SORD: variants seen among roughly 807,000 people sequenced by gnomAD.
The protein encoded by SORD is sorbitol dehydrogenase, also known as (R,R)-butanediol dehydrogenase.
A neutral mutation model predicts 35.6 loss-of-function variants in SORD; 18 were observed. That is an observed-to-expected ratio of 0.51 (90% CI 0.35 to 0.75). SORD has a LOEUF of 0.75. SORD is among the 30% of genes least tolerant of loss of function. The probability of loss-of-function intolerance (pLI) is 0.01; values close to 1 mark genes in which losing one functional copy is unlikely to be tolerated. For missense variants in SORD, 250 were observed against 390.2 expected, an observed-to-expected ratio of 0.64 and a Z score of 3.03; for synonymous variants, 106 against 152.9, an observed-to-expected ratio of 0.69 and a Z score of 2.26.
intron 1 of SORD, among the ~76,000 whole-genome samples, chr15:45,037,103 G>A (rs1363516274): frequency 6.6e-6 from 1 of 152,206 alleles, no homozygotes; most frequent in Non-Finnish European, 1.5e-5. Flanking sequence ...CAGGAGGCAG[G>A]AGACAAGCCT....
At chr15:45,037,663 A>G (rs59179198) in intron 1 of SORD, among the ~76,000 whole-genome samples, 4,797 of 152,286 alleles carry the variant, frequency 0.031, 144 homozygotes, top group South Asian at 0.11. Context: ...GACATGGATG[A>G]AGCTGGAAGC....
At position 45,073,670 on chromosome 15, in the gene SORD, A is replaced by C; in HGVS notation, c.*140A>C. On this transcript the variant is annotated 3_prime_UTR_variant, in exon 9 of 9. Transcript: ENST00000267814. ...CAATTCATTGTGAACAGAAGTCCTT[A>C]AGCAGAGGAATTGGTGTGCCTTAAA... is the stretch of plus-strand genomic sequence containing the variant. 2.2e-6 allele frequency: 3 copies of C among 1,382,864 alleles called. No homozygotes were observed. In the Admixed American group the frequency reaches 8.0e-5, roughly 37 times the overall value. 85.7% of individuals were successfully genotyped at this position (1,382,864 alleles called of 1,614,324 possible). A position where few individuals can be genotyped will look rare whatever the true frequency, so the allele number is the denominator to read the frequency against.
At chr15:45,060,580 G>A (rs1893285907) in intron 3 of SORD, among the ~76,000 whole-genome samples, 1 of 152,164 alleles carries the variant, frequency 6.6e-6, no homozygotes, top group South Asian at 2.1e-4. Context: ...CATAAAACAT[G>A]CTGTAATTAT....
intron 4 of SORD, among the ~76,000 whole-genome samples, chr15:45,064,072 A>G (rs1317385928): frequency 1.3e-4 from 19 of 149,232 alleles, no homozygotes; most frequent in Admixed American, 8.8e-4. Context: ...GGATGAGCAC[A>G]TGGTTTGGCT....
intron 1 of SORD, among the ~76,000 whole-genome samples, chr15:45,026,379 ATTT>A (rs1047363891): frequency 2.0e-5 from 3 of 152,210 alleles, no homozygotes; most frequent in Non-Finnish European, 2.9e-5. Context: ...CAGCAAATGC[ATTT>A]TGGGGGGAAA....
intron 1 of SORD, among the ~76,000 whole-genome samples, chr15:45,039,000 A>C (rs959113663): frequency 6.6e-6 from 1 of 152,228 alleles, no homozygotes; most frequent in Non-Finnish European, 1.5e-5. Flanking sequence ...CTCTGGTAGC[A>C]TGACCTTGAC....
intron 1 of SORD, among the ~76,000 whole-genome samples, chr15:45,038,185 TTCC>T (rs1471960049): frequency 7.4e-6 from 1 of 135,784 alleles, no homozygotes; most frequent in East Asian, 2.0e-4. Flanking sequence ...CCTTCCTTCC[TTCC>T]TTCCTTCTGA....
intron 3 of SORD, among the ~76,000 whole-genome samples, chr15:45,054,818 T>A (rs1163891249): frequency 1.3e-5 from 2 of 150,590 alleles, no homozygotes; most frequent in Non-Finnish European, 3.0e-5. Context: ...GAATTGATTT[T>A]TGTATAAGGT....
chr15:45,059,500 T>C (rs1893268078), intron 3 of SORD, among the ~76,000 whole-genome samples: 1 of 152,174 alleles, frequency 6.6e-6, no homozygotes, highest in Non-Finnish European at 1.5e-5. Flanking sequence ...AGGAACAAAC[T>C]GTCATTTGTT....
intron 2 of SORD, among the ~76,000 whole-genome samples, chr15:45,040,724 A>G (rs1247225730): frequency 1.3e-5 from 2 of 152,236 alleles, no homozygotes; most frequent in African/African-American, 2.4e-5. Context: ...GATGTGAAGT[A>G]TATGGACCAA....
intron 3 of SORD, among the ~76,000 whole-genome samples, chr15:45,056,924 A>G (rs1347675996): frequency 6.6e-6 from 1 of 152,220 alleles, no homozygotes; most frequent in Non-Finnish European, 1.5e-5. Context: ...TGTGGTAGAA[A>G]CAATTATCCC....
intron 5 of SORD, among the ~76,000 whole-genome samples, chr15:45,067,653 G>T (rs539805426): frequency 6.6e-6 from 1 of 152,232 alleles, no homozygotes; most frequent in East Asian, 1.9e-4. Context: ...CAAATCCTTG[G>T]ATACCTGAGT....
At chr15:45,063,311 A>G (rs1487993142) in intron 4 of SORD, among the ~76,000 whole-genome samples, 3 of 151,990 alleles carry the variant, frequency 2.0e-5, no homozygotes, top group Non-Finnish European at 4.4e-5. Context: ...CTGTTACCCA[A>G]TTTGGACTGT....
At chr15:45,055,317 G>A (rs1034168103) in intron 3 of SORD, among the ~76,000 whole-genome samples, 7 of 152,058 alleles carry the variant, frequency 4.6e-5, no homozygotes, top group African/African-American at 1.7e-4. Flanking sequence ...TATCACCACC[G>A]ATCCCACAGA....
chr15:45,069,383 AT>A (rs1227651888), intron 7 of SORD, among the ~76,000 whole-genome samples: 3 of 149,530 alleles, frequency 2.0e-5, no homozygotes, highest in South Asian at 2.1e-4. Flanking sequence ...AGTTTTTTGT[AT>A]TTTTTTTAGA....
intron 2 of SORD, chr15:45,042,415 C>T (rs1039799609): frequency 2.6e-5 from 4 of 151,914 alleles, no homozygotes; most frequent in Admixed American, 1.3e-4. Context: ...TTGGTTGAAC[C>T]GGGGAGGTGG....
intron 3 of SORD, among the ~76,000 whole-genome samples, chr15:45,052,707 C>T (rs1357131662): frequency 1.3e-5 from 2 of 152,110 alleles, no homozygotes; most frequent in African/African-American, 2.4e-5. Context: ...CACTGCTGCC[C>T]CCACCACCCA....
At chr15:45,063,012 T>C (rs971272218) in intron 4 of SORD, among the ~76,000 whole-genome samples, 6 of 147,980 alleles carry the variant, frequency 4.1e-5, no homozygotes, top group Non-Finnish European at 8.9e-5. Context: ...GGCATGGAGG[T>C]GCAGGAGTAG....
intron 1 of SORD, among the ~76,000 whole-genome samples, chr15:45,025,883 T>C (rs1409604987): frequency 6.6e-6 from 1 of 152,236 alleles, no homozygotes; most frequent in Non-Finnish European, 1.5e-5. Context: ...AGTGCTATCT[T>C]GCACAACAAA....
Sources: gnomAD v4.1 joint callset for allele counts (sites outside exome capture counted in the v4.1 genomes callset) on GRCh38, gnomAD v4.1.1 for gene constraint, MANE v1.5 for transcripts, NCBI Gene and HGNC (gene_info 2026-07-23, HGNC 2026-07-21) for gene names.